NUSAP1: variants seen among roughly 807,000 people sequenced by gnomAD.
NUSAP1 encodes nucleolar and spindle associated protein 1.
Under a neutral mutation model 52.8 loss-of-function variants are expected in NUSAP1, and 32 were observed. The ratio of observed to expected loss-of-function variants is 0.61; its 90% confidence interval spans 0.46 to 0.81. The LOEUF (loss-of-function observed/expected upper bound fraction) is 0.81. Ranked by LOEUF, NUSAP1 falls within the 40% of genes least tolerant of loss-of-function variation. The probability of loss-of-function intolerance (pLI) is 0.00; values close to 1 mark genes in which losing one functional copy is unlikely to be tolerated. For missense variants in NUSAP1, 499 were observed against 522.3 expected, an observed-to-expected ratio of 0.96 and a Z score of 0.43; for synonymous variants, 195 against 183.1, an observed-to-expected ratio of 1.06 and a Z score of -0.52.
chr15:41,357,666 A>G (rs944366676), intron 5 of NUSAP1, among the ~76,000 whole-genome samples: 2 of 151,886 alleles, frequency 1.3e-5, no homozygotes, highest in Non-Finnish European at 2.9e-5. Context: ...CTGGTCTCGA[A>G]CTCCTGACCT....
At chr15:41,378,772 A>G (rs2050080314) in intron 10 of NUSAP1, among the ~76,000 whole-genome samples, 1 of 151,898 alleles carries the variant, frequency 6.6e-6, no homozygotes, top group Non-Finnish European at 1.5e-5. Flanking sequence ...CTCCGTCTCA[A>G]AAAAGAAAAA....
chr15:41,350,958 A>G, intron 3 of NUSAP1, 30 bp from the exon 4 acceptor site: 3 of 1,572,800 alleles, frequency 1.9e-6, no homozygotes, highest in Non-Finnish European at 2.6e-6. Flanking sequence ...TTTATCATCG[A>G]AATCTTTTAT....
intron 2 of NUSAP1, among the ~76,000 whole-genome samples, chr15:41,348,626 GGTTTGTTT>G (rs894609426): frequency 6.6e-6 from 1 of 151,992 alleles, no homozygotes; most frequent in South Asian, 2.1e-4. Flanking sequence ...AATCTATAAG[GGTTTGTTT>G]GTTTGTTTGC....
chr15:41,374,614 G>A (rs375765255), intron 8 of NUSAP1, among the ~76,000 whole-genome samples: 8 of 151,654 alleles, frequency 5.3e-5, no homozygotes, highest in South Asian at 2.1e-4. Context: ...TGCAACCTCC[G>A]ACTCCCTGGT....
intron 2 of NUSAP1, among the ~76,000 whole-genome samples, chr15:41,344,744 C>A (rs943553675): frequency 1.1e-4 from 17 of 152,116 alleles, no homozygotes; most frequent in Non-Finnish European, 5.9e-5. Flanking sequence ...AGTTCAAGAC[C>A]AGCCTGGCTA....
chr15:41,350,421 A>G (rs985705675), intron 3 of NUSAP1, among the ~76,000 whole-genome samples: 3 of 152,100 alleles, frequency 2.0e-5, no homozygotes, highest in Non-Finnish European at 4.4e-5. Flanking sequence ...GAAGCCCGGG[A>G]AAAGAGTAAC....
At chr15:41,375,055 G>T (rs2049865082) in intron 8 of NUSAP1, among the ~76,000 whole-genome samples, 1 of 150,850 alleles carries the variant, frequency 6.6e-6, no homozygotes, top group African/African-American at 2.4e-5. Flanking sequence ...CTGTCACCAG[G>T]CTGGAGTGCA....
At chr15:41,339,790 AT>A (rs370874624) in intron 1 of NUSAP1, among the ~76,000 whole-genome samples, 2 of 148,914 alleles carry the variant, frequency 1.3e-5, no homozygotes, top group Admixed American at 6.7e-5. Context: ...CTATTTTTTT[AT>A]TTTTTTTGAG....
chr15:41,338,195 A>G (rs1271856021), intron 1 of NUSAP1, among the ~76,000 whole-genome samples: 1 of 151,996 alleles, frequency 6.6e-6, no homozygotes, highest in African/African-American at 2.4e-5. Context: ...TTGGCGTCCC[A>G]AAGTGCTGGG....
At chr15:41,366,289 T>G in intron 7 of NUSAP1, among the ~76,000 whole-genome samples, 1 of 145,172 alleles carries the variant, frequency 6.9e-6, no homozygotes, top group Non-Finnish European at 1.5e-5. Context: ...TTTTTCTTTT[T>G]TCTTTTTTTT....
chr15:41,367,955 G>T (rs1595589279), intron 7 of NUSAP1, among the ~76,000 whole-genome samples: 1 of 152,246 alleles, frequency 6.6e-6, no homozygotes, highest in East Asian at 1.9e-4. Context: ...TTCTGTGGTG[G>T]CTCCCACCTG....
At chr15:41,366,872 T>A (rs1390663025) in intron 7 of NUSAP1, among the ~76,000 whole-genome samples, 1 of 151,992 alleles carries the variant, frequency 6.6e-6, no homozygotes, top group Non-Finnish European at 1.5e-5. Context: ...ATAGAGGAGG[T>A]TTCATAGGGA....
In NUSAP1 at chr15:41,365,522, C is replaced by G. The variant is rs777251433; in HGVS notation, c.781C>G (p.Gln261Glu). Residue 261 changes from glutamine (Q) to glutamate (E), a missense_variant, in exon 7 of 11, where the codon CAG (glutamine) becomes GAG (glutamate). Transcript: ENST00000559596. ...SQGRSCGPASQSTLGLKGSLK... is the reference protein window; with the variant it reads ...SQGRSCGPASESTLGLKGSLK... ...AGGCCGGTCTTGTGGCCCTGCAAGT[C>G]AGAGTACCTTGGGTCTGAAGGGGTC... 3 of 1,612,762 alleles carry G rather than the reference C, an allele frequency of 1.9e-6. No individual in the cohort carries two copies. Among genetic ancestry groups the G allele is most frequent in the Non-Finnish European group, 1.7e-6 (2 of 1,179,484 alleles).
chr15:41,357,770 C>T (rs952807958), intron 5 of NUSAP1, among the ~76,000 whole-genome samples: 4 of 152,028 alleles, frequency 2.6e-5, no homozygotes, highest in Non-Finnish European at 5.9e-5. Flanking sequence ...TTATCTAGCC[C>T]TTTATAGAAT....
chr15:41,355,924 C>G, intron 4 of NUSAP1, 115 bp from the exon 5 acceptor site: 1 of 609,726 alleles, frequency 1.6e-6, no homozygotes, highest in Admixed American at 2.8e-5. Flanking sequence ...GTGATCCACC[C>G]GCCTCGGCCT....
chr15:41,337,931 CTTTTT>C (rs757341496), intron 1 of NUSAP1, among the ~76,000 whole-genome samples: 1 of 110,930 alleles, frequency 9.0e-6, no homozygotes, highest in Non-Finnish European at 1.8e-5. Context: ...TTTCTTTTTT[CTTTTT>C]TTTTTTTTTT....
chr15:41,364,460 C>G (rs565428906), intron 6 of NUSAP1, among the ~76,000 whole-genome samples: 3 of 152,010 alleles, frequency 2.0e-5, no homozygotes, highest in Non-Finnish European at 4.4e-5. Flanking sequence ...GCAGGAGAAT[C>G]GCTTGAACCT....
chr15:41,343,854 C>G lies in NUSAP1; in HGVS notation c.162+1400C>G, dbSNP rs183684303. On this transcript the variant is annotated intron_variant, in intron 2 of 10. Coordinates refer to ENST00000559596, the MANE Select transcript of NUSAP1 (RefSeq NM_016359.5). ...AATAGACAAGAACTATTTTTGAATT[C>G]TAGCTTTAAAAGTTTCTATATCAAT... Among the ~76,000 whole-genome samples the G allele has an allele frequency of 2.6e-5, 4 of 151,980 alleles. No homozygotes were observed. In the East Asian group the frequency reaches 7.7e-4, roughly 29 times the overall value.
intron 3 of NUSAP1, among the ~76,000 whole-genome samples, chr15:41,349,748 T>G (rs569066520): frequency 6.7e-6 from 1 of 150,140 alleles, no homozygotes; most frequent in Non-Finnish European, 1.5e-5. Context: ...GCACAGTCTT[T>G]TTTTTCTTTT....
Sources: gnomAD v4.1 joint callset for allele counts (sites outside exome capture counted in the v4.1 genomes callset) on GRCh38, gnomAD v4.1.1 for gene constraint, MANE v1.5 for transcripts, NCBI Gene and HGNC (gene_info 2026-07-23, HGNC 2026-07-21) for gene names.